TNRC6B: variants seen among roughly 807,000 people sequenced by gnomAD.
TNRC6B encodes trinucleotide repeat containing adaptor 6B.
A neutral mutation model predicts 203.6 loss-of-function variants in TNRC6B; 52 were observed. The observed-to-expected ratio is 0.26, with a 90% CI of 0.20 to 0.32. The LOEUF is 0.32. Ranked by LOEUF, TNRC6B falls within the 10% of genes least tolerant of loss-of-function variation. TNRC6B has a pLI of 1.00. For missense variants in TNRC6B, 1,923 were observed against 2,286.2 expected, an observed-to-expected ratio of 0.84 and a Z score of 3.24; for synonymous variants, 838 against 845.7, an observed-to-expected ratio of 0.99 and a Z score of 0.16.
chr22:40,268,471 C>T (rs1032829455), intron 5 of TNRC6B, among the ~76,000 whole-genome samples: 1 of 152,098 alleles, frequency 6.6e-6, no homozygotes, highest in Non-Finnish European at 1.5e-5. Context: ...TTAACTCATT[C>T]TTTTTTCAAG....
chr22:40,305,282 A>C (rs1168464373), intron 15 of TNRC6B, among the ~76,000 whole-genome samples: 2 of 152,222 alleles, frequency 1.3e-5, no homozygotes, highest in Non-Finnish European at 1.5e-5. Flanking sequence ...CACAGATTAC[A>C]CTGTCCATAA....
intron 12 of TNRC6B, among the ~76,000 whole-genome samples, chr22:40,294,479 G>A (rs1000411551): frequency 5.3e-5 from 8 of 152,078 alleles, no homozygotes; most frequent in South Asian, 2.1e-4. Flanking sequence ...GTATGACTTC[G>A]TCTTAAACTT....
Position 40,331,645 on chromosome 22 carries a change from A to ATTT in TNRC6B, c.*8427_*8429dup, listed in dbSNP as rs10534254. ...ACTGAATTTAAGAAGAGGTTGTTGG[A>ATTT]TTTTTTTTTTTTTTTTTTTTTTTTT... On this transcript the variant is annotated 3_prime_UTR_variant, in exon 23 of 23. Transcript: ENST00000454349. 1.1e-4 allele frequency: 15 copies of ATTT among 133,242 alleles called. No individual in the cohort carries two copies. The highest frequency in any genetic ancestry group is 1.1e-4 in the East Asian group (1 of 8,764). 8.3% of individuals were successfully genotyped at this position (133,242 alleles called of 1,614,324 possible).
At chr22:40,251,112 G>A in intron 2 of TNRC6B, 67 bp from the exon 3 acceptor site, 3 of 1,338,002 alleles carry the variant, frequency 2.2e-6, no homozygotes, top group Non-Finnish European at 3.1e-6. Flanking sequence ...TCAGACTAAA[G>A]TAGTCTGAAA....
Position 40,264,962 on chromosome 22 carries a change from G to C in TNRC6B, c.732G>C (p.Gln244His). ...STTSNKGKGS[Q>H]CQSASSGNEC... ...CTAGTAACAAAGGAAAAGGGAGCCAGTGCCAGTCTGCAAGTTCTGGGAACG... is the reference window on the plus strand; with the variant it reads ...CTAGTAACAAAGGAAAAGGGAGCCACTGCCAGTCTGCAAGTTCTGGGAACG... The change falls in exon 5 of 23, where the codon CAG (glutamine) becomes CAC (histidine). Residue 244 changes from glutamine (Q) to histidine (H), a missense_variant. Coordinates refer to ENST00000454349, the MANE Select transcript of TNRC6B (RefSeq NM_001162501.2). The C allele has an allele frequency of 6.2e-7, 1 of 1,614,006 alleles. No homozygotes were observed. The highest frequency in any genetic ancestry group is 1.1e-5 in the South Asian group (1 of 91,068).
chr22:40,174,063 T>C (rs939776116), upstream of TNRC6B, among the ~76,000 whole-genome samples: 4 of 151,310 alleles, frequency 2.6e-5, no homozygotes, highest in African/African-American at 9.7e-5. Flanking sequence ...TCTCCCAGAG[T>C]GCTGTGATTA....
At chr22:40,262,217 G>A (rs2070397968) in intron 4 of TNRC6B, 44 bp downstream of exon 4, 1 of 1,335,700 alleles carries the variant, frequency 7.5e-7, no homozygotes, top group Non-Finnish European at 9.7e-7. Context: ...TTGACAGAGA[G>A]AGAGCACTTT....
rs186976658 is a variant in TNRC6B at position 40,083,387 on chromosome 22, G to T, written c.-120-33668G>T. ...GAACTATTCATTGGATTGGCAGCATGGATATTGCTGATGATAGGGGCAGAA... is the reference window on the plus strand; with the variant it reads ...GAACTATTCATTGGATTGGCAGCATTGATATTGCTGATGATAGGGGCAGAA... On this transcript the variant is annotated intron_variant, in intron 1 of 23. Coordinates refer to the TNRC6B transcript ENST00000301923. 1.4e-4 allele frequency among the ~76,000 whole-genome samples: 22 copies of T among 152,282 alleles called. No individual in the cohort carries two copies. The East Asian group carries it at 3.5e-3, about 24-fold the overall frequency.
chr22:40,244,839 A>G (rs936535267), intron 1 of TNRC6B, among the ~76,000 whole-genome samples: 2 of 152,180 alleles, frequency 1.3e-5, no homozygotes, highest in Admixed American at 6.5e-5. Flanking sequence ...GGTTGAGTGT[A>G]TGTTTTTTCC....
chr22:40,053,953 G>C (rs989389217), intron 1 of TNRC6B, among the ~76,000 whole-genome samples: 1 of 152,064 alleles, frequency 6.6e-6, no homozygotes, highest in East Asian at 1.9e-4. Context: ...GCACAGGCTC[G>C]TGCCTGTAAT....
chr22:40,125,831 A>G, exon 3 of TNRC6B: 1 of 1,612,450 alleles, frequency 6.2e-7, no homozygotes, highest in South Asian at 1.1e-5. Context: ...CAAACCAATG[A>G]GGGAGAAGTA....
chr22:40,209,584 C>G (rs1007949264), intron 1 of TNRC6B, among the ~76,000 whole-genome samples: 1 of 152,200 alleles, frequency 6.6e-6, no homozygotes, highest in Admixed American at 6.5e-5. Context: ...CCTGCCATGG[C>G]ATGCATAAGA....
At chr22:40,270,338 G>C (rs1295301257) in intron 6 of TNRC6B, 58 bp downstream of exon 6, 1 of 1,316,926 alleles carries the variant, frequency 7.6e-7, no homozygotes, top group Non-Finnish European at 9.7e-7. Context: ...TTTTAATTGA[G>C]ACGGAGTTTC....
intron 3 of TNRC6B, among the ~76,000 whole-genome samples, chr22:40,137,039 C>G (rs966717801): frequency 6.6e-6 from 1 of 151,552 alleles, no homozygotes; most frequent in African/African-American, 2.4e-5. Context: ...AAGATCTGTT[C>G]TTAATATTAA....
Position 40,310,938 on chromosome 22 carries a change from A to G in TNRC6B, c.4380A>G (p.Lys1460=). 6.2e-7 allele frequency: 1 copy of G among 1,610,818 alleles called. No homozygotes were observed. Among genetic ancestry groups the G allele is most frequent in the South Asian group, 1.1e-5 (1 of 90,476 alleles). ...GPAGDSWLPA[K]SPPTNKIGSK... is the part of the protein sequence containing the mutation. ...CTGGTGATAGCTGGTTACCTGCCAA[A>G]TCTCCACCAACAAATAAAATCGGAA... The change falls in exon 17 of 23, where the codon AAA becomes AAG. Residue 1460 remains lysine, a synonymous_variant. Transcript: ENST00000454349.
intron 1 of TNRC6B, among the ~76,000 whole-genome samples, chr22:40,193,181 G>A (rs972509564): frequency 2.0e-5 from 3 of 152,108 alleles, no homozygotes; most frequent in African/African-American, 4.8e-5. Context: ...TCTTGTTGTC[G>A]CGTGGCAAAG....
At chr22:40,080,131 T>C (rs1371329331) in intron 1 of TNRC6B, among the ~76,000 whole-genome samples, 1 of 136,348 alleles carries the variant, frequency 7.3e-6, no homozygotes, top group Non-Finnish European at 1.6e-5. Flanking sequence ...GACACAGGTC[T>C]CACTATGTTG....
intron 1 of TNRC6B, among the ~76,000 whole-genome samples, chr22:40,082,389 G>A (rs1197031713): frequency 6.6e-6 from 1 of 152,136 alleles, no homozygotes; most frequent in Non-Finnish European, 1.5e-5. Flanking sequence ...CATGTACCAA[G>A]CCATAGGAGA....
chr22:40,177,579 T>C (rs2069075606), upstream of TNRC6B, among the ~76,000 whole-genome samples: 1 of 152,180 alleles, frequency 6.6e-6, no homozygotes, highest in Non-Finnish European at 1.5e-5. Context: ...CAGAGCAGTT[T>C]GCCAGCCTGT....
Sources: gnomAD v4.1 joint callset for allele counts (sites outside exome capture counted in the v4.1 genomes callset) on GRCh38, gnomAD v4.1.1 for gene constraint, MANE v1.5 for transcripts, NCBI Gene and HGNC (gene_info 2026-07-23, HGNC 2026-07-21) for gene names.